Variants in TAAR5 observed in about 807,000 individuals in gnomAD.
The protein encoded by TAAR5 is trace amine associated receptor 5, also known as trace amine-associated receptor 5.
TAAR5 carries 27 observed loss-of-function variants against 21.1 expected under a neutral mutation model. The ratio of observed to expected loss-of-function variants is 1.28; its 90% CI spans 0.94 to 1.76. The LOEUF (loss-of-function observed/expected upper bound fraction) is 1.76. Among genes scored for constraint, TAAR5 ranks in the 40% most tolerant of loss-of-function variants. The probability of loss-of-function intolerance (pLI) is 0.00; values close to 1 mark genes in which losing one functional copy is unlikely to be tolerated. For missense variants in TAAR5, 495 were observed against 405.6 expected, an observed-to-expected ratio of 1.22 and a Z score of -1.89; for synonymous variants, 203 against 167.5, an observed-to-expected ratio of 1.21 and a Z score of -1.64.
At position 132,589,588 on chromosome 6, in the gene TAAR5, G is replaced by C. The variant is rs546434564; in HGVS notation, c.99C>G (p.Ile33Met). The change falls in exon 1 of 1, where the codon ATC (isoleucine) becomes ATG (methionine). Residue 33 changes from isoleucine (I) to methionine (M), a missense_variant. By Grantham distance (10) the Ile-to-Met change is conservative (BLOSUM62 1). Transcript: ENST00000258034. ...SCPRTVHTLG[I>M]QLVIYLACAA... ...CACAGGCCAGGTAGATGACCAACTG[G>C]ATGCCCAGAGTATGTACTGTCCTGG... The C allele has an allele frequency of 5.7e-5, 92 of 1,613,848 alleles. 1 individual carries two copies. In the South Asian group the frequency reaches 9.1e-4, roughly 16 times the overall value.
chr6:132,598,089 A>G, the TAAR5 span, among the ~76,000 whole-genome samples: 1 of 152,166 alleles, frequency 6.6e-6, no homozygotes, highest in Non-Finnish European at 1.5e-5. Flanking sequence ...TACCTGCTTT[A>G]TCAGGCATGA....
At chr6:132,614,711 C>T in the TAAR5 span, among the ~76,000 whole-genome samples, 9 of 152,238 alleles carry the variant, frequency 5.9e-5, no homozygotes, top group African/African-American at 2.2e-4. Context: ...TGCTTCTGCT[C>T]TCAGGAGAAT....
the TAAR5 span, among the ~76,000 whole-genome samples, chr6:132,604,576 G>A: frequency 6.6e-6 from 1 of 152,168 alleles, no homozygotes; most frequent in African/African-American, 2.4e-5. Context: ...CGGGGTGAAT[G>A]ACTAACTGAG....
chr6:132,588,704 T>C lies in TAAR5; in HGVS notation c.983A>G (p.Gln328Arg), dbSNP rs1266311601. 6.2e-7 allele frequency: 1 copy of C among 1,613,828 alleles called. No individual in the cohort carries two copies. Among genetic ancestry groups the C allele is most frequent in the South Asian group, 1.1e-5 (1 of 91,036 alleles). Residue 328 changes from glutamine to arginine, a missense_variant, in exon 1 of 1, where the codon CAG (glutamine) becomes CGG (arginine). Coordinates refer to ENST00000258034, the MANE Select transcript of TAAR5 (RefSeq NM_003967.3). Reference protein sequence around the residue: ...LTLSQKVFSPQTRTVDLYQE With the variant: ...LTLSQKVFSPRTRTVDLYQE The stretch of plus-strand genomic sequence containing the variant: ...TTGGTACAAATCAACAGTGCGTGTC[T>C]GCGGTGAGAAGACCTTCTGGCTCAG...
At chr6:132,594,490 C>T (rs1240528255), upstream of TAAR5, 1 of 152,170 alleles carries the variant, frequency 6.6e-6, no homozygotes, top group African/African-American at 2.4e-5. Flanking sequence ...AAGGATAAAG[C>T]ATGCCATATA....
In TAAR5 at chr6:132,588,699, G is replaced by C. The variant is rs35839363; in HGVS notation, c.988C>G (p.Arg330Gly). ...CATTCTTGGTACAAATCAACAGTGC[G>C]TGTCTGCGGTGAGAAGACCTTCTGG... is the stretch of plus-strand genomic sequence containing the variant. ...LSQKVFSPQTRTVDLYQE is the reference protein window; with the variant it reads ...LSQKVFSPQTGTVDLYQE The change falls in exon 1 of 1, where the codon CGC becomes GGC. Residue 330 changes from arginine (R) to glycine (G), a missense_variant. Physicochemically the swap from Arg to Gly is moderately radical, Grantham distance 125. Coordinates refer to ENST00000258034, the MANE Select transcript of TAAR5 (RefSeq NM_003967.3). The C allele has an allele frequency of 1.2e-6, 2 of 1,613,534 alleles. No homozygotes were observed. The highest frequency in any genetic ancestry group is 8.5e-7 in the Non-Finnish European group (1 of 1,179,762).
the TAAR5 span, among the ~76,000 whole-genome samples, chr6:132,609,986 C>CT: frequency 0.47 from 71,479 of 151,828 alleles, 19,948 homozygotes; most frequent in African/African-American, 0.79. Context: ...TGCTCCTTCC[C>CT]TTATTTCTTA....
chr6:132,598,184 T>C, the TAAR5 span, among the ~76,000 whole-genome samples: 1 of 152,204 alleles, frequency 6.6e-6, no homozygotes, highest in Non-Finnish European at 1.5e-5. Context: ...TACTTTGATA[T>C]ATCTCATCCT....
In TAAR5 at chr6:132,589,272, G is replaced by A; in HGVS notation, c.415C>T (p.Pro139Ser). 1 of 1,610,894 alleles carries A rather than the reference G, an allele frequency of 6.2e-7. No homozygotes were observed. Among genetic ancestry groups the A allele is most frequent in the Non-Finnish European group, 8.5e-7 (1 of 1,178,358 alleles). The change falls in exon 1 of 1, where the codon CCC (proline) becomes TCC (serine). Residue 139 changes from proline to serine, a missense_variant. Coordinates refer to ENST00000258034, the MANE Select transcript of TAAR5 (RefSeq NM_003967.3). ...SIDRHCAICD[P>S]LLYPSKFTVR... ...GTGAACTTGGAGGGATAGAGCAGGGGGTCACAGATGGCACAGTGGCGGTCA... is the reference window on the plus strand; with the variant it reads ...GTGAACTTGGAGGGATAGAGCAGGGAGTCACAGATGGCACAGTGGCGGTCA...
At chr6:132,590,452 C>A (rs1776889858), upstream of TAAR5, among the ~76,000 whole-genome samples, 1 of 152,080 alleles carries the variant, frequency 6.6e-6, no homozygotes. Context: ...AATTATTAAC[C>A]AAGTCCTAAT....
the TAAR5 span, among the ~76,000 whole-genome samples, chr6:132,603,730 A>G: frequency 0.37 from 55,720 of 151,964 alleles, 10,568 homozygotes; most frequent in African/African-American, 0.41. Flanking sequence ...AAAAGGTACT[A>G]TAATTTCAGG....
the TAAR5 span, among the ~76,000 whole-genome samples, chr6:132,614,413 GT>G: frequency 6.6e-6 from 1 of 152,208 alleles, no homozygotes; most frequent in African/African-American, 2.4e-5. Context: ...TATAATGATT[GT>G]TTTTTAGTTA....
At chr6:132,593,071 T>G (rs1776928737), upstream of TAAR5, among the ~76,000 whole-genome samples, 1 of 152,214 alleles carries the variant, frequency 6.6e-6, no homozygotes, top group Admixed American at 6.5e-5. Flanking sequence ...GGAAGTTGGC[T>G]TAGTGACCCC....
the TAAR5 span, among the ~76,000 whole-genome samples, chr6:132,602,299 A>G: frequency 6.6e-6 from 1 of 152,046 alleles, no homozygotes; most frequent in East Asian, 1.9e-4. Context: ...TAATTATACA[A>G]CTCACCATAA....
the TAAR5 span, among the ~76,000 whole-genome samples, chr6:132,599,116 G>A: frequency 6.6e-6 from 1 of 151,980 alleles, no homozygotes; most frequent in African/African-American, 2.4e-5. Flanking sequence ...AAAGAACAAG[G>A]CTTCAACACA....
chr6:132,598,642 G>A, the TAAR5 span, among the ~76,000 whole-genome samples: 1 of 152,154 alleles, frequency 6.6e-6, no homozygotes, highest in African/African-American at 2.4e-5. Flanking sequence ...TATGCCTCTA[G>A]GGGCAGTGTC....
In TAAR5 at chr6:132,589,078, T is replaced by C. The variant is rs1776860313; in HGVS notation, c.609A>G (p.Leu203=). 1 of 1,613,962 alleles carries C rather than the reference T, an allele frequency of 6.2e-7. No individual in the cohort carries two copies. The highest frequency in any genetic ancestry group is 8.5e-7 in the Non-Finnish European group (1 of 1,179,994). Residue 203 remains leucine, a synonymous_variant, in exon 1 of 1, where the codon TTA becomes TTG. Coordinates refer to ENST00000258034, the MANE Select transcript of TAAR5 (RefSeq NM_003967.3). The part of the protein sequence containing the change: ...QLLLNKFWGW[L]NFPLFFVPCL... ...AGGGGACAAAGAACAAAGGGAAGTT[T>C]AACCAGCCCCAAAATTTATTGAGCA...
chr6:132,613,291 A>G, the TAAR5 span, among the ~76,000 whole-genome samples: 6 of 152,220 alleles, frequency 3.9e-5, no homozygotes, highest in Non-Finnish European at 8.8e-5. Flanking sequence ...ATTTGCAAAT[A>G]AACTTTTACT....
the TAAR5 span, among the ~76,000 whole-genome samples, chr6:132,616,276 TTTTCTTCTTTA>T: frequency 1.3e-5 from 2 of 152,308 alleles, no homozygotes; most frequent in East Asian, 3.9e-4. Context: ...AAGTTAATAA[TTTTCTTCTTTA>T]TTTCTTCCTC....
Sources: allele counts gnomAD v4.1 joint callset (sites outside exome capture counted in the v4.1 genomes callset), GRCh38; gene constraint gnomAD v4.1.1; transcripts MANE v1.5; gene names NCBI Gene and HGNC (gene_info 2026-07-23, HGNC 2026-07-21).